ANKAR: variants seen among roughly 807,000 people sequenced by gnomAD.
ANKAR encodes ankyrin and armadillo repeat-containing protein.
A neutral mutation model predicts 146.2 loss-of-function variants in ANKAR; 136 were observed. The observed-to-expected ratio is 0.93, with a 90% CI of 0.81 to 1.07. ANKAR has a LOEUF of 1.07. ANKAR is among the 50% of genes least tolerant of loss of function. The pLI, the probability that ANKAR is intolerant of heterozygous loss-of-function variation, is 0.00. For missense variants in ANKAR, 1,567 were observed against 1,679.9 expected (o/e 0.93, Z 1.18); for synonymous variants, 500 against 575.8 (o/e 0.87, Z 1.88).
At chr2:189,701,868 T>C (rs1040327023) in intron 7 of ANKAR, among the ~76,000 whole-genome samples, 6 of 152,216 alleles carry the variant, frequency 3.9e-5, no homozygotes, top group African/African-American at 1.4e-4. Context: ...CCTTCTAAAT[T>C]TTTCTTGATA....
At chr2:189,680,019 C>A (rs1000681241) in intron 2 of ANKAR, among the ~76,000 whole-genome samples, 1 of 152,120 alleles carries the variant, frequency 6.6e-6, no homozygotes, top group Non-Finnish European at 1.5e-5. Context: ...TTCAGTAAGA[C>A]TGATACCAGT....
In ANKAR at chr2:189,752,961, C is replaced by T. The variant is rs773347941; in HGVS notation, c.*585-8137C>T. ...GCTCTGCGGATATAGAAGTTACTTG[C>T]GACACCACCAGATGCAACCTGAAGG... On this transcript the variant is annotated intron_variant and NMD_transcript_variant, in intron 18 of 18. Transcript: ENST00000441800. The T allele has an allele frequency of 8.1e-6, 13 of 1,611,588 alleles. No homozygotes were observed. The highest frequency in any genetic ancestry group is 2.2e-5 in the East Asian group (1 of 44,880).
At chr2:189,751,432 C>T (rs1429681841), downstream of ANKAR, among the ~76,000 whole-genome samples, 3 of 149,530 alleles carry the variant, frequency 2.0e-5, no homozygotes, top group African/African-American at 5.0e-5. Context: ...GAATATAATG[C>T]TGACAAGTTG....
intron 2 of ANKAR, among the ~76,000 whole-genome samples, chr2:189,681,257 C>CT (rs1321187259): frequency 6.6e-6 from 1 of 152,190 alleles, no homozygotes; most frequent in Admixed American, 6.5e-5. Flanking sequence ...CCACGAGAGC[C>CT]TTTGGATCAT....
chr2:189,696,910 C>A (rs1471799790), intron 7 of ANKAR, among the ~76,000 whole-genome samples: 1 of 152,030 alleles, frequency 6.6e-6, no homozygotes, highest in Non-Finnish European at 1.5e-5. Context: ...CAAAAAATTT[C>A]TTTATCATAA....
intron 17 of ANKAR, among the ~76,000 whole-genome samples, chr2:189,733,979 T>C (rs1345525232): frequency 6.6e-6 from 1 of 152,184 alleles, no homozygotes; most frequent in African/African-American, 2.4e-5. Flanking sequence ...ACATTTTTGA[T>C]GAATTCAGGC....
At chr2:189,736,474 T>C (rs1209506756) in intron 17 of ANKAR, among the ~76,000 whole-genome samples, 2 of 150,038 alleles carry the variant, frequency 1.3e-5, no homozygotes, top group African/African-American at 4.9e-5. Flanking sequence ...CTAATACCTT[T>C]CTTTTTGCCT....
rs1242419577 is a variant in ANKAR, at chr2:189,695,010, C to A, written c.1337C>A (p.Thr446Asn). Residue 446 changes from threonine (T) to asparagine (N), a missense_variant, in exon 6 of 23, where the codon ACT becomes AAT. Transcript: ENST00000684021. ...SYYVIYFELE[T>N]FYQQLYKTQW... ...TATGTGATCTATTTTGAACTAGAAA[C>A]TTTCTATCAGCAACTATATAAGACA... is the stretch of plus-strand genomic sequence containing the variant. 6.4e-7 allele frequency: 1 copy of A among 1,550,992 alleles called. No homozygotes were observed. Among genetic ancestry groups the A allele is most frequent in the Non-Finnish European group, 8.7e-7 (1 of 1,148,724 alleles).
intron 5 of ANKAR, among the ~76,000 whole-genome samples, 165 bp from the exon 6 acceptor site, chr2:189,694,816 A>C (rs962355973): frequency 6.6e-6 from 1 of 152,264 alleles, no homozygotes; most frequent in Non-Finnish European, 1.5e-5. Flanking sequence ...TTGATTAATA[A>C]CAGTTGATAA....
intron 2 of ANKAR, among the ~76,000 whole-genome samples, chr2:189,680,885 T>C (rs563178480): frequency 3.9e-5 from 6 of 152,328 alleles, no homozygotes; most frequent in East Asian, 1.9e-4. Flanking sequence ...AAGCCATTTT[T>C]TAAATTTAAA....
At chr2:189,751,984 A>T (rs1226008676) in intron 18 of ANKAR, among the ~76,000 whole-genome samples, 1 of 151,492 alleles carries the variant, frequency 6.6e-6, no homozygotes, top group Non-Finnish European at 1.5e-5. Context: ...AAAAACTAAA[A>T]ATACAAAAAA....
In ANKAR at chr2:189,692,390, C is replaced by T; in HGVS notation, c.1175C>T (p.Ser392Leu). Reference sequence around the variant, plus strand: ...ATTGAATTTGATATCAGCACCCCTTCAATTGAGAATGCCTTGGAAGATTTT... The same window carrying T: ...ATTGAATTTGATATCAGCACCCCTTTAATTGAGAATGCCTTGGAAGATTTT... ...GGIEFDISTP[S>L]IENALEDFQK... is the part of the protein sequence containing the mutation. The change falls in exon 4 of 23, where the codon TCA becomes TTA. Residue 392 changes from serine (S) to leucine (L), a missense_variant. Transcript: ENST00000684021. 6.2e-7 allele frequency: 1 copy of T among 1,612,026 alleles called. No individual in the cohort carries two copies. The highest frequency in any genetic ancestry group is 2.2e-5 in the East Asian group (1 of 44,772).
intron 19 of ANKAR, among the ~76,000 whole-genome samples, chr2:189,740,889 T>C (rs2043272562): frequency 6.6e-6 from 1 of 151,542 alleles, no homozygotes; most frequent in African/African-American, 2.4e-5. Flanking sequence ...AGATGGGGTT[T>C]CTCCATGTTG....
chr2:189,733,282 C>T, intron 17 of ANKAR, 53 bp downstream of exon 17: 1 of 1,434,514 alleles, frequency 7.0e-7, no homozygotes, highest in Non-Finnish European at 9.4e-7. Flanking sequence ...GGTTTTTATA[C>T]CACATCTTCA....
chr2:189,712,240 C>G (rs2105721116), intron 10 of ANKAR, among the ~76,000 whole-genome samples: 1 of 152,318 alleles, frequency 6.6e-6, no homozygotes, highest in Middle Eastern at 3.4e-3. Flanking sequence ...CTGAAGAGAG[C>G]AGTGGTTCTC....
intron 10 of ANKAR, among the ~76,000 whole-genome samples, chr2:189,711,865 C>A (rs2039736420): frequency 6.6e-6 from 1 of 152,132 alleles, no homozygotes; most frequent in Non-Finnish European, 1.5e-5. Flanking sequence ...ACAGACTGTA[C>A]CTGAAAAAAC....
intron 18 of ANKAR, chr2:189,754,311 T>G (rs750438162): frequency 6.2e-7 from 1 of 1,610,880 alleles, no homozygotes; most frequent in East Asian, 2.2e-5. Flanking sequence ...GGTGGAGCAC[T>G]CTGGATGTTT....
chr2:189,755,634 G>C (rs16831964), intron 18 of ANKAR: 64,504 of 1,468,480 alleles, frequency 0.044, 1,563 homozygotes, highest in South Asian at 0.069. Flanking sequence ...ACAGCTAAAA[G>C]CATGTCTTCA....
At chr2:189,713,761 A>T (rs1007831075) in intron 10 of ANKAR, among the ~76,000 whole-genome samples, 1 of 152,236 alleles carries the variant, frequency 6.6e-6, no homozygotes, top group Non-Finnish European at 1.5e-5. Flanking sequence ...CACACACAAC[A>T]ATATTAACTT....
Sources: gnomAD v4.1 joint callset for allele counts (sites outside exome capture counted in the v4.1 genomes callset) on GRCh38, gnomAD v4.1.1 for gene constraint, MANE v1.5 for transcripts, NCBI Gene and HGNC (gene_info 2026-07-23, HGNC 2026-07-21) for gene names.